The following EXOSC10 variants were observed in gnomAD, a reference collection of about 807,000 sequenced individuals.
The protein encoded by EXOSC10 is exosome complex component 10.
EXOSC10 carries 94 observed loss-of-function variants against 126.6 expected under a neutral mutation model. The ratio of observed to expected loss-of-function variants is 0.74; its 90% CI spans 0.63 to 0.88. The LOEUF is 0.88. Ranked by LOEUF, EXOSC10 falls within the 40% of genes least tolerant of loss-of-function variation. The pLI, the probability that EXOSC10 is intolerant of heterozygous loss-of-function variation, is 0.00. For synonymous variants in EXOSC10, 395 were observed against 400.8 expected, an observed-to-expected ratio of 0.99 and a Z score of 0.17; for missense variants, 1,041 against 1,100.5, an observed-to-expected ratio of 0.95 and a Z score of 0.77.
Position 11,095,977 on chromosome 1 carries a change from TC to T in EXOSC10, c.249-97del, listed in dbSNP as rs1428284811. ...GTTCAAATGATGTGGCTCAGACTGT[TC>T]CCAACACATCTTTTTTTTTTTTTTT... is the stretch of plus-strand genomic sequence containing the variant. On this transcript the variant is annotated intron_variant, in intron 2 of 24. Transcript: ENST00000376936. The T allele has an allele frequency of 3.8e-6, 5 of 1,305,220 alleles. No homozygotes were observed. The African/African-American group carries it at 7.5e-5, about 20-fold the overall frequency. 80.9% of individuals were successfully genotyped at this position (1,305,220 alleles called of 1,614,324 possible). A position where few individuals can be genotyped will look rare whatever the true frequency, so the allele number is the denominator to read the frequency against.
At chr1:11,078,915 T>G (rs895922782) in intron 14 of EXOSC10, among the ~76,000 whole-genome samples, 40 of 152,296 alleles carry the variant, frequency 2.6e-4, no homozygotes, top group African/African-American at 9.1e-4. Context: ...AAAAAGCAGC[T>G]AAATTCATCA....
Position 11,098,089 on chromosome 1 carries a change from T to C in EXOSC10, c.179A>G (p.Tyr60Cys). The C allele has an allele frequency of 1.9e-6, 3 of 1,613,198 alleles. No individual in the cohort carries two copies. The highest frequency in any genetic ancestry group is 2.5e-6 in the Non-Finnish European group (3 of 1,179,732). Residue 60 changes from tyrosine (Y) to cysteine (C), a missense_variant, in exon 2 of 25, where the codon TAT becomes TGT. Coordinates refer to ENST00000376936, the MANE Select transcript of EXOSC10 (RefSeq NM_001001998.3). ...SGGLPQFGDEYDFYRSFPGFQ... is the reference protein window; with the variant it reads ...SGGLPQFGDECDFYRSFPGFQ... Reference sequence around the variant, plus strand: ...GCCAGGAAAACTTCGGTAAAAATCATACTCATCGCCAAACTGTGGTAGGCC... The same window carrying C: ...GCCAGGAAAACTTCGGTAAAAATCACACTCATCGCCAAACTGTGGTAGGCC...
At position 11,087,442 on chromosome 1, in the gene EXOSC10, G is replaced by A. The variant is rs375576546; in HGVS notation, c.1089+6C>T. The A allele has an allele frequency of 3.0e-5, 49 of 1,613,860 alleles. No individual in the cohort carries two copies. Among genetic ancestry groups the A allele is most frequent in the Non-Finnish European group, 4.2e-5 (49 of 1,179,948 alleles). On this transcript the variant is annotated splice_donor_region_variant and intron_variant, in intron 9 of 24. Coordinates refer to ENST00000376936, the MANE Select transcript of EXOSC10 (RefSeq NM_001001998.3). ...CACATGCATGAGTTACAAAAGGCTG[G>A]CTGACCTTAACGATGGCTGGGTCTG... is the stretch of plus-strand genomic sequence containing the variant.
At chr1:11,079,045 C>G (rs530999710) in intron 14 of EXOSC10, among the ~76,000 whole-genome samples, 1 of 152,222 alleles carries the variant, frequency 6.6e-6, no homozygotes, top group Non-Finnish European at 1.5e-5. Flanking sequence ...AACAGGCCTG[C>G]TAAAGTTGGG....
At chr1:11,090,695 A>G in intron 5 of EXOSC10, 27 bp from the exon 6 acceptor site, 3 of 1,502,262 alleles carry the variant, frequency 2.0e-6, no homozygotes, top group Non-Finnish European at 1.8e-6. Context: ...TGACAAAAAC[A>G]TCATTAGCAC....
chr1:11,076,054 A>C (rs762151680), intron 17 of EXOSC10, among the ~76,000 whole-genome samples: 3 of 151,634 alleles, frequency 2.0e-5, no homozygotes, highest in Non-Finnish European at 4.4e-5. Flanking sequence ...AATCCCAGCT[A>C]CTAGGGAAGC....
rs569591735 is a variant in EXOSC10 at position 11,081,113 on chromosome 1, A to G, written c.1406T>C (p.Val469Ala). The change falls in exon 11 of 25, where the codon GTG (valine) becomes GCG (alanine). Residue 469 changes from valine to alanine, a missense_variant. Val to Ala is a moderately conservative substitution (Grantham distance 64). Around this residue, in one of 3 missense-constraint regions of EXOSC10, gnomAD observed 645 missense variants for 656.3 expected, o/e 0.98. Coordinates refer to ENST00000376936, the MANE Select transcript of EXOSC10 (RefSeq NM_001001998.3). ...GCAGATGTCCCTGCTCCGTTGCCAC[A>G]CCACCTGCAGCTGCACCGGCTGCCC... ...GNGQPVQLQV[V>A]WQRSRDICLK... 6.2e-7 allele frequency: 1 copy of G among 1,614,170 alleles called. No homozygotes were observed. The highest frequency in any genetic ancestry group is 2.2e-5 in the East Asian group (1 of 44,880).
intron 21 of EXOSC10, 52 bp downstream of exon 21, chr1:11,070,848 A>G: frequency 2.6e-6 from 4 of 1,519,346 alleles, no homozygotes; most frequent in Non-Finnish European, 3.6e-6. Flanking sequence ...GATCCTGACC[A>G]CAAGCAGGGG....
rs1459384765 is a variant in EXOSC10 at position 11,082,742 on chromosome 1, A to G, written c.1226T>C (p.Leu409Pro). 1 of 1,614,206 alleles carries G rather than the reference A, an allele frequency of 6.2e-7. No homozygotes were observed. The highest frequency in any genetic ancestry group is 1.7e-5 in the Admixed American group (1 of 60,018). Residue 409 changes from leucine to proline, a missense_variant, in exon 10 of 25, where the codon CTC becomes CCC. By Grantham distance (98) the Leu-to-Pro change is moderately conservative. This residue lies in a region of EXOSC10 where 645 missense variants were observed against 656.3 expected (regional missense o/e 0.98). Coordinates refer to ENST00000376936, the MANE Select transcript of EXOSC10 (RefSeq NM_001001998.3). ...CTTGTTTGAGTCCACGTTGCAGTAG[A>G]GTTTCAGGAGATGATCGAGTGAGTG... ...GRHSLDHLLK[L>P]YCNVDSNKQY...
In EXOSC10 at chr1:11,093,920, T is replaced by TA. The variant is rs1005554147; in HGVS notation, c.372+1837dup. ...ACAGCAAGACATTGTCTCTATAAAA[T>TA]AAAAAAAAATTCAGCCAGACGTGGT... is the stretch of plus-strand genomic sequence containing the variant. On this transcript the variant is annotated intron_variant, in intron 3 of 24. Transcript: ENST00000376936. Among the ~76,000 whole-genome samples the TA allele has an allele frequency of 1.1e-4, 17 of 151,032 alleles. No homozygotes were observed. The South Asian group carries it at 1.5e-3, about 13-fold the overall frequency.
chr1:11,078,523 C>T (rs1381465026), intron 14 of EXOSC10, among the ~76,000 whole-genome samples: 7 of 152,202 alleles, frequency 4.6e-5, no homozygotes, highest in Admixed American at 3.9e-4. Context: ...TCCCAAAGTG[C>T]TGGGATTACA....
In EXOSC10 at chr1:11,095,873, C is replaced by G; in HGVS notation, c.257G>C (p.Arg86Thr). 1 of 1,612,600 alleles carries G rather than the reference C, an allele frequency of 6.2e-7. No homozygotes were observed. The highest frequency in any genetic ancestry group is 8.5e-7 in the Non-Finnish European group (1 of 1,178,820). ...GCGACACCCATGGTACTGCATTACT[C>G]TGCTCATGCTAAGGAAAGGAAAACC... The part of the protein sequence containing the change: ...QGDRLLQCMS[R>T]VMQYHGCRSN... Residue 86 changes from arginine (R) to threonine (T), a missense_variant, in exon 3 of 25, where the codon AGA (arginine) becomes ACA (threonine). Physicochemically the swap from Arg to Thr is moderately conservative, Grantham distance 71 (BLOSUM62 -1). Coordinates refer to ENST00000376936, the MANE Select transcript of EXOSC10 (RefSeq NM_001001998.3).
intron 9 of EXOSC10, among the ~76,000 whole-genome samples, chr1:11,085,015 GT>G (rs568680864): frequency 6.6e-6 from 1 of 152,160 alleles, no homozygotes; most frequent in Non-Finnish European, 1.5e-5. Flanking sequence ...GTACCATGCT[GT>G]TTTGGTTACT....
chr1:11,076,821 T>C (rs1040965511), intron 17 of EXOSC10, 21 bp downstream of exon 17: 2 of 1,575,982 alleles, frequency 1.3e-6, no homozygotes, highest in African/African-American at 2.7e-5. Context: ...ATCACCTCAG[T>C]GAAGTTTCTG....
intron 12 of EXOSC10, 96 bp downstream of exon 12, chr1:11,080,668 C>T: frequency 6.2e-7 from 1 of 1,601,590 alleles, no homozygotes; most frequent in Non-Finnish European, 8.5e-7. Context: ...GGGGAAATAA[C>T]CAGCTTTCAT....
rs760177692 is a variant in EXOSC10, at chr1:11,071,024, T to G, written c.2243-51A>C. ...GAGTTGGTGAATCCAGCAACCACCCTCCCCTCCATCTCCATCCCCCTCCGA... is the reference window on the plus strand; with the variant it reads ...GAGTTGGTGAATCCAGCAACCACCCGCCCCTCCATCTCCATCCCCCTCCGA... On this transcript the variant is annotated intron_variant, in intron 20 of 24. Coordinates refer to ENST00000376936, the MANE Select transcript of EXOSC10 (RefSeq NM_001001998.3). 3 of 1,541,342 alleles carry G rather than the reference T, an allele frequency of 1.9e-6. No homozygotes were observed. The South Asian group carries it at 3.4e-5, about 17-fold the overall frequency.
At chr1:11,092,023 A>G (rs553360901) in intron 3 of EXOSC10, among the ~76,000 whole-genome samples, 3 of 152,346 alleles carry the variant, frequency 2.0e-5, no homozygotes, top group African/African-American at 7.2e-5. Context: ...ATTGGTATTC[A>G]GAGACATTTG....
At chr1:11,076,811 A>G in intron 17 of EXOSC10, 31 bp downstream of exon 17, 1 of 1,523,812 alleles carries the variant, frequency 6.6e-7, no homozygotes, top group South Asian at 1.1e-5. Flanking sequence ...GGGGGTCCTC[A>G]TCACCTCAGT....
chr1:11,089,379 G>A (rs1640673497), intron 6 of EXOSC10, among the ~76,000 whole-genome samples: 1 of 151,804 alleles, frequency 6.6e-6, no homozygotes, highest in Non-Finnish European at 1.5e-5. Flanking sequence ...GGAGGCCAAG[G>A]AGGGTGGATC....
Sources: gnomAD v4.1 joint callset for allele counts (sites outside exome capture counted in the v4.1 genomes callset) on GRCh38, gnomAD v4.1.1 for gene constraint, gnomAD v4.1.1 regional missense constraint, MANE v1.5 for transcripts, NCBI Gene and HGNC (gene_info 2026-07-23, HGNC 2026-07-21) for gene names.